RBBP8NL: variants seen among roughly 807,000 people sequenced by gnomAD.
The protein encoded by RBBP8NL is RBBP8 N-terminal-like protein.
RBBP8NL carries 59 observed loss-of-function variants against 62.2 expected under a neutral mutation model. The observed-to-expected ratio is 0.95, with a 90% CI of 0.77 to 1.18. The LOEUF is 1.18. Among genes scored for constraint, RBBP8NL ranks in the 50% most tolerant of loss-of-function variants. The pLI is 0.00. For missense variants in RBBP8NL, 896 were observed against 899.5 expected (o/e 1.00, Z 0.05); for synonymous variants, 412 against 394.1 (o/e 1.05, Z -0.54).
Position 62,414,201 on chromosome 20 carries a change from T to A in RBBP8NL, c.1150A>T (p.Met384Leu). The change falls in exon 10 of 14, where the codon ATG becomes TTG. Residue 384 changes from methionine to leucine, a missense_variant. Physicochemically the swap from Met to Leu is conservative, Grantham distance 15. Coordinates refer to ENST00000252998, the MANE Select transcript of RBBP8NL (RefSeq NM_080833.3). Reference protein sequence around the residue: ...RPRGQPTPGEMLPSLPVGSDS... With the variant: ...RPRGQPTPGELLPSLPVGSDS... ...GAGCCGACTGGTAGGGAGGGCAGCA[T>A]CTCCCCGGGTGTGGGCTGGCCCCTT... is the stretch of plus-strand genomic sequence containing the variant. 6.2e-7 allele frequency: 1 copy of A among 1,608,634 alleles called. No individual in the cohort carries two copies. Among genetic ancestry groups the A allele is most frequent in the Non-Finnish European group, 8.5e-7 (1 of 1,178,908 alleles).
chr20:62,421,086 T>C (rs1988686911), intron 1 of RBBP8NL, among the ~76,000 whole-genome samples: 1 of 152,188 alleles, frequency 6.6e-6, no homozygotes, highest in Admixed American at 6.5e-5. Context: ...CCTCCAGGCC[T>C]GGGAGGTTGG....
chr20:62,422,970 G>A (rs988310599), intron 1 of RBBP8NL, among the ~76,000 whole-genome samples: 11 of 152,038 alleles, frequency 7.2e-5, no homozygotes, highest in Admixed American at 1.3e-4. Flanking sequence ...GACAGTTGGC[G>A]GCTCTGTGTT....
rs543308673 is a variant in RBBP8NL at position 62,415,581 on chromosome 20, G to A, written c.624C>T (p.Asp208=). 1.4e-5 allele frequency: 23 copies of A among 1,612,782 alleles called. No individual in the cohort carries two copies. Among genetic ancestry groups the A allele is most frequent in the Admixed American group, 1.2e-4 (7 of 60,018 alleles). The part of the protein sequence containing the change: ...GATLPESRAP[D]MSPQRISNQL... Reference sequence around the variant, plus strand: ...GGCTCCCGGTCCCTGCCCTTACCATGTCTGGGGCTCGCGACTCAGGCAGGG... The same window carrying A: ...GGCTCCCGGTCCCTGCCCTTACCATATCTGGGGCTCGCGACTCAGGCAGGG... Residue 208 remains aspartate (D), a synonymous_variant, in exon 8 of 14, where the codon GAC becomes GAT. Coordinates refer to ENST00000252998, the MANE Select transcript of RBBP8NL (RefSeq NM_080833.3).
chr20:62,411,223 T>C (rs1275466426), intron 13 of RBBP8NL, among the ~76,000 whole-genome samples: 4 of 152,198 alleles, frequency 2.6e-5, no homozygotes, highest in Non-Finnish European at 5.9e-5. Context: ...CTCCCCATTG[T>C]GTGACCCCGA....
At chr20:62,424,234 T>G (rs1209185151) in intron 1 of RBBP8NL, among the ~76,000 whole-genome samples, 12 of 108,006 alleles carry the variant, frequency 1.1e-4, no homozygotes, top group African/African-American at 1.4e-4. Flanking sequence ...CTGGAAGGAG[T>G]GGGGGAAGGG....
At chr20:62,413,614 C>A in intron 10 of RBBP8NL, 69 bp from the exon 11 acceptor site, 1 of 1,487,346 alleles carries the variant, frequency 6.7e-7, no homozygotes, top group Non-Finnish European at 8.9e-7. Context: ...CAGCCCTGGA[C>A]AGCCGGTGGG....
intron 1 of RBBP8NL, among the ~76,000 whole-genome samples, chr20:62,421,397 G>C (rs1988695694): frequency 3.1e-5 from 4 of 127,258 alleles, no homozygotes. Flanking sequence ...ACCCAAGTCA[G>C]TGTGCGTGAG....
intron 9 of RBBP8NL, 85 bp from the exon 10 acceptor site, chr20:62,414,641 A>G (rs960513680): frequency 2.9e-6 from 4 of 1,360,736 alleles, no homozygotes; most frequent in Non-Finnish European, 3.8e-6. Flanking sequence ...GACGACAGGC[A>G]CCCACTCCAC....
At chr20:62,414,633 C>G in intron 9 of RBBP8NL, 77 bp from the exon 10 acceptor site, 4 of 1,367,760 alleles carry the variant, frequency 2.9e-6, no homozygotes, top group Non-Finnish European at 3.8e-6. Context: ...GAGGGAGAGA[C>G]GACAGGCACC....
Position 62,418,477 on chromosome 20 carries a change from A to T in RBBP8NL, c.62-12T>A. Reference sequence around the variant, plus strand: ...CTTGTTCTGCAGGCCTGGGGGAGCAAGCAGAGGGGCGGGGGGTCAGGCCCA... The same window carrying T: ...CTTGTTCTGCAGGCCTGGGGGAGCATGCAGAGGGGCGGGGGGTCAGGCCCA... On this transcript the variant is annotated splice_polypyrimidine_tract_variant and intron_variant, in intron 2 of 13. Coordinates refer to ENST00000252998, the MANE Select transcript of RBBP8NL (RefSeq NM_080833.3). 1 of 1,549,536 alleles carries T rather than the reference A, an allele frequency of 6.5e-7. No individual in the cohort carries two copies. Among genetic ancestry groups the T allele is most frequent in the Non-Finnish European group, 8.7e-7 (1 of 1,146,352 alleles).
chr20:62,422,295 A>G (rs1479421609), intron 1 of RBBP8NL, among the ~76,000 whole-genome samples: 1 of 151,910 alleles, frequency 6.6e-6, no homozygotes, highest in African/African-American at 2.4e-5. Context: ...AACCGTCCCG[A>G]ACAGGACCGC....
At position 62,415,215 on chromosome 20, in the gene RBBP8NL, C is replaced by T; in HGVS notation, c.700G>A (p.Ala234Thr). 6.5e-7 allele frequency: 1 copy of T among 1,528,914 alleles called. No individual in the cohort carries two copies. Among genetic ancestry groups the T allele is most frequent in the Non-Finnish European group, 8.8e-7 (1 of 1,138,772 alleles). 94.7% of individuals were successfully genotyped at this position (1,528,914 alleles called of 1,614,324 possible). A position where few individuals can be genotyped will look rare whatever the true frequency, so the allele number is the denominator to read the frequency against. ...GTCCCATTGGCGGGGCCTCGGTCGG[C>T]AGGGCAAGCCTGGGACCCAGGCCGC... ...VVRPGSQACP[A>T]DRGPANGTPP... The change falls in exon 9 of 14, where the codon GCC becomes ACC. Residue 234 changes from alanine to threonine, a missense_variant. By Grantham distance (58) the Ala-to-Thr change is moderately conservative. Coordinates refer to ENST00000252998, the MANE Select transcript of RBBP8NL (RefSeq NM_080833.3).
chr20:62,419,796 G>A, intron 1 of RBBP8NL, 66 bp from the exon 2 acceptor site: 1 of 745,170 alleles, frequency 1.3e-6, no homozygotes, highest in East Asian at 2.7e-5. Context: ...GAGTCCAGGA[G>A]AGGATTGGGG....
In RBBP8NL at chr20:62,419,472, T is replaced by C. The variant is rs558600574; in HGVS notation, c.61+115A>G. The C allele has an allele frequency of 1.6e-5, 18 of 1,138,334 alleles. 1 individual carries two copies. The South Asian group carries it at 2.5e-4, about 16-fold the overall frequency. The allele number at this position is 1,138,334 out of a possible 1,614,324, so 70.5% of individuals were successfully genotyped here. A position where few individuals can be genotyped will look rare whatever the true frequency, so the allele number is the denominator to read the frequency against. On this transcript the variant is annotated intron_variant, in intron 2 of 13. Coordinates refer to ENST00000252998, the MANE Select transcript of RBBP8NL (RefSeq NM_080833.3). ...CCTGGGCCAAAAAGACGGGGTCCAT[T>C]CCCTGACTTGGTGGGAATTGGAGGT...
intron 13 of RBBP8NL, 68 bp from the exon 14 acceptor site, chr20:62,411,064 C>G: frequency 9.7e-7 from 1 of 1,030,456 alleles, no homozygotes; most frequent in Non-Finnish European, 1.5e-6. Context: ...TGGCTCTCAC[C>G]TAGGGCCTCC....
chr20:62,412,911 C>T lies in RBBP8NL; in HGVS notation c.1676-11G>A, dbSNP rs777157364. 1.9e-6 allele frequency: 3 copies of T among 1,612,650 alleles called. No homozygotes were observed. The highest frequency in any genetic ancestry group is 2.5e-6 in the Non-Finnish European group (3 of 1,179,954). The stretch of plus-strand genomic sequence containing the variant: ...CAGCCTTGCTGGGCTCTGAAGGATG[C>T]AGAGTGTGGGGTCAGGCCAGGCTGG... On this transcript the variant is annotated splice_polypyrimidine_tract_variant and intron_variant, in intron 11 of 13. Coordinates refer to ENST00000252998, the MANE Select transcript of RBBP8NL (RefSeq NM_080833.3).
intron 6 of RBBP8NL, 28 bp downstream of exon 6, chr20:62,416,136 C>G (rs6142643): frequency 6.2e-7 from 1 of 1,600,028 alleles, no homozygotes; most frequent in South Asian, 1.1e-5. Context: ...AGTTGGGTGT[C>G]TGAGCCCTGG....
chr20:62,416,314 G>T (rs1988565569), intron 5 of RBBP8NL, 78 bp from the exon 6 acceptor site: 9 of 1,304,066 alleles, frequency 6.9e-6, no homozygotes, highest in South Asian at 1.3e-5. Context: ...ACAGCACCAG[G>T]GAAGCCCCTC....
intron 1 of RBBP8NL, among the ~76,000 whole-genome samples, chr20:62,421,102 C>T (rs1175780983): frequency 2.0e-5 from 3 of 152,206 alleles, no homozygotes; most frequent in African/African-American, 4.8e-5. Flanking sequence ...GTTGGGATAC[C>T]GGTCAAGTGG....
Sources: allele counts gnomAD v4.1 joint callset (sites outside exome capture counted in the v4.1 genomes callset), GRCh38; gene constraint gnomAD v4.1.1; transcripts MANE v1.5; gene names NCBI Gene and HGNC (gene_info 2026-07-23, HGNC 2026-07-21).